ANKFY1: variants seen among roughly 807,000 people sequenced by gnomAD.
ANKFY1 encodes the protein ankyrin repeat and FYVE domain containing 1.
In ANKFY1, 47 loss-of-function variants were observed where a neutral mutation model predicts 128.3. The ratio of observed to expected loss-of-function variants is 0.37; its 90% CI spans 0.29 to 0.47. ANKFY1 has a LOEUF of 0.47. ANKFY1 is among the 20% of genes least tolerant of loss of function. The probability of loss-of-function intolerance (pLI) is 1.00; values close to 1 mark genes in which losing one functional copy is unlikely to be tolerated. For missense variants in ANKFY1, 1,222 were observed against 1,510.6 expected, an observed-to-expected ratio of 0.81 and a Z score of 3.17; for synonymous variants, 553 against 601.6, an observed-to-expected ratio of 0.92 and a Z score of 1.18.
At chr17:4,235,334 C>T in intron 3 of ANKFY1, among the ~76,000 whole-genome samples, 1 of 74,766 alleles carries the variant, frequency 1.3e-5, no homozygotes, top group African/African-American at 4.5e-5. Context: ...GAGTGAGACT[C>T]TGTCTCAAAA....
chr17:4,205,015 A>G (rs912945316), intron 7 of ANKFY1, among the ~76,000 whole-genome samples: 2 of 152,262 alleles, frequency 1.3e-5, no homozygotes, highest in Non-Finnish European at 2.9e-5. Context: ...AAAAGGACAA[A>G]GCTGGCACAG....
rs185125749 is a variant in ANKFY1 at position 4,248,452 on chromosome 17, C to A, written c.11-6004G>T. Among the ~76,000 whole-genome samples the A allele has an allele frequency of 2.6e-4, 40 of 152,328 alleles. No individual in the cohort carries two copies. The East Asian group carries it at 6.9e-3, about 26-fold the overall frequency. ...CCATCTATGGACAAACTGTCTTCCA[C>A]GAAACCAGTCTCTGGTGCCAAAAAG... On this transcript the variant is annotated intron_variant, in intron 1 of 24. Coordinates refer to ENST00000341657, the MANE Select transcript of ANKFY1 (RefSeq NM_001330063.2).
At chr17:4,168,634 ATTTTTGTATTTTTAGT>A (rs943837759) in intron 24 of ANKFY1, among the ~76,000 whole-genome samples, 91 of 151,984 alleles carry the variant, frequency 6.0e-4, no homozygotes, top group African/African-American at 2.1e-3. Context: ...CCCCCAGCTA[ATTTTTGTATTTTTAGT>A]AAAGACAGGG....
chr17:4,205,136 T>C lies in ANKFY1; in HGVS notation c.898+1185A>G, dbSNP rs1407424932. Among the ~76,000 whole-genome samples, 9 of 152,154 alleles carry C rather than the reference T, an allele frequency of 5.9e-5. No homozygotes were observed. The East Asian group carries it at 1.5e-3, about 26-fold the overall frequency. On this transcript the variant is annotated intron_variant, in intron 7 of 24. Coordinates refer to ENST00000341657, the MANE Select transcript of ANKFY1 (RefSeq NM_001330063.2). ...AATGCATCATCAAAAGGGGAAAATATAGATGATTAAGATGGAACGAAACAA... is the reference window on the plus strand; with the variant it reads ...AATGCATCATCAAAAGGGGAAAATACAGATGATTAAGATGGAACGAAACAA...
In ANKFY1 at chr17:4,181,212, G is replaced by A; in HGVS notation, c.2240+42C>T. 1 of 1,514,578 alleles carries A rather than the reference G, an allele frequency of 6.6e-7. No individual in the cohort carries two copies. The highest frequency in any genetic ancestry group is 9.2e-7 in the Non-Finnish European group (1 of 1,090,994). 93.8% of individuals were successfully genotyped at this position (1,514,578 alleles called of 1,614,324 possible). On this transcript the variant is annotated intron_variant, in intron 16 of 24. Transcript: ENST00000341657. This position sits in a 1 kb window ranked among gnomAD's most constrained non-coding sequence, Gnocchi z 4.9. ...AAAGGAAAGAGCCAGTTTGCAACAA[G>A]CTCACTAAAAAGCTGTGGAGAGATA...
chr17:4,181,375 G>A lies in ANKFY1; in HGVS notation c.2122-3C>T, dbSNP rs1349885053. 3.7e-6 allele frequency: 6 copies of A among 1,609,740 alleles called. No homozygotes were observed. The highest frequency in any genetic ancestry group is 1.3e-5 in the African/African-American group (1 of 74,850). ...GTGGCATCACAGCCATGTCTGACCT[G>A]CAGAAAAACATAGGTTATTCACAAA... is the stretch of plus-strand genomic sequence containing the variant. On this transcript the variant is annotated splice_region_variant and splice_polypyrimidine_tract_variant and intron_variant, in intron 15 of 24. Coordinates refer to ENST00000341657, the MANE Select transcript of ANKFY1 (RefSeq NM_001330063.2). The surrounding 1 kb of genome is among the most constrained non-coding windows in gnomAD (Gnocchi z 4.9).
At chr17:4,189,117 A>G (rs1383029281) in intron 11 of ANKFY1, among the ~76,000 whole-genome samples, 2 of 152,194 alleles carry the variant, frequency 1.3e-5, no homozygotes, top group African/African-American at 2.4e-5. Context: ...ATTAAAGTCC[A>G]TAGCATCTAG....
intron 14 of ANKFY1, among the ~76,000 whole-genome samples, chr17:4,183,143 A>T (rs1192969847): frequency 1.3e-5 from 2 of 152,220 alleles, no homozygotes. Context: ...TGTTTTTTAC[A>T]ATGAGACTTG....
intron 1 of ANKFY1, among the ~76,000 whole-genome samples, chr17:4,250,997 GA>G (rs1567979087): frequency 1.3e-5 from 2 of 152,152 alleles, no homozygotes; most frequent in Non-Finnish European, 2.9e-5. Context: ...CTGGGCAGGG[GA>G]AAGAAAAAGG....
chr17:4,194,105 T>TATATA (rs60685083), intron 10 of ANKFY1, among the ~76,000 whole-genome samples: 34 of 51,568 alleles, frequency 6.6e-4, no homozygotes, highest in South Asian at 7.5e-4. Context: ...ATATATATAT[T>TATATA]TTTTTTTTTT....
intron 7 of ANKFY1, among the ~76,000 whole-genome samples, chr17:4,206,025 G>A (rs565758225): frequency 4.9e-4 from 75 of 152,320 alleles, no homozygotes; most frequent in African/African-American, 1.6e-3. Flanking sequence ...GCCATCCATT[G>A]AACAAGCAAA....
chr17:4,257,326 T>C (rs1401204820), intron 1 of ANKFY1, among the ~76,000 whole-genome samples: 3 of 152,092 alleles, frequency 2.0e-5, no homozygotes, highest in African/African-American at 4.8e-5. Flanking sequence ...ACTGCAGTCA[T>C]TTCGCCATGC....
chr17:4,256,327 C>G (rs1204741076), intron 1 of ANKFY1, among the ~76,000 whole-genome samples: 2 of 151,944 alleles, frequency 1.3e-5, no homozygotes, highest in Non-Finnish European at 2.9e-5. Flanking sequence ...ACTCAGGAGG[C>G]GGAGGCAGGA....
Position 4,178,778 on chromosome 17 carries a change from T to C in ANKFY1, c.2598+79A>G. On this transcript the variant is annotated intron_variant, in intron 18 of 24. Transcript: ENST00000341657. This position sits in a 1 kb window ranked among gnomAD's most constrained non-coding sequence, Gnocchi z 4.1. ...AGCTCTTTCCATGAGGAGACCTGTTTAGTCGGTGACATCTGTCTAGTCTCC... is the reference window on the plus strand; with the variant it reads ...AGCTCTTTCCATGAGGAGACCTGTTCAGTCGGTGACATCTGTCTAGTCTCC... 2 of 1,372,390 alleles carry C rather than the reference T, an allele frequency of 1.5e-6. No individual in the cohort carries two copies. The highest frequency in any genetic ancestry group is 2.1e-6 in the Non-Finnish European group (2 of 972,748). The allele number at this position is 1,372,390 out of a possible 1,614,324, so 85.0% of individuals were successfully genotyped here.
chr17:4,258,880 C>T (rs1024103691), intron 1 of ANKFY1, among the ~76,000 whole-genome samples: 2 of 152,098 alleles, frequency 1.3e-5, no homozygotes, highest in African/African-American at 4.8e-5. Flanking sequence ...GATCAAATTC[C>T]ATCAAGCTAA....
rs1451926252 is a variant in ANKFY1, at chr17:4,217,056, T to C, written c.385A>G (p.Arg129Gly). The change falls in exon 4 of 25, where the codon AGA (arginine) becomes GGA (glycine). Residue 129 changes from arginine (R) to glycine (G), a missense_variant. Physicochemically the swap from Arg to Gly is moderately radical, Grantham distance 125. Transcript: ENST00000341657. The stretch of plus-strand genomic sequence containing the variant: ...TCAGTCAGGAACACATCATCCTCTC[T>C]GAACTCCAGCTCATCTGTATAGATC... ...RWIYTDELEFREDDVFLTELM... is the reference protein window; with the variant it reads ...RWIYTDELEFGEDDVFLTELM... The C allele has an allele frequency of 6.2e-7, 1 of 1,613,948 alleles. No homozygotes were observed. Among genetic ancestry groups the C allele is most frequent in the Non-Finnish European group, 8.5e-7 (1 of 1,180,044 alleles).
intron 10 of ANKFY1, among the ~76,000 whole-genome samples, chr17:4,192,988 C>T (rs906083830): frequency 2.6e-5 from 4 of 151,996 alleles, no homozygotes; most frequent in Non-Finnish European, 5.9e-5. Flanking sequence ...ACAATTAAAA[C>T]TATATAATAT....
intron 1 of ANKFY1, among the ~76,000 whole-genome samples, chr17:4,259,233 ATTTAAAT>A (rs1467818596): frequency 6.6e-6 from 1 of 152,232 alleles, no homozygotes; most frequent in Non-Finnish European, 1.5e-5. Context: ...TTAAACTAGG[ATTTAAAT>A]CCATGTCCAG....
At chr17:4,249,165 G>C in intron 1 of ANKFY1, 1 of 982,670 alleles carries the variant, frequency 1.0e-6, no homozygotes, top group South Asian at 4.7e-5. Context: ...TCTAGGTCAG[G>C]AGTTGGCATA....
Sources: gnomAD v4.1 joint callset for allele counts (sites outside exome capture counted in the v4.1 genomes callset) on GRCh38, gnomAD v4.1.1 for gene constraint, Gnocchi (gnomAD v3.1) non-coding constraint, MANE v1.5 for transcripts, NCBI Gene and HGNC (gene_info 2026-07-23, HGNC 2026-07-21) for gene names.